The following SNURF variants were observed in gnomAD, a reference collection of about 807,000 sequenced individuals.
SNURF encodes SNURF protein.
In SNURF, 6 loss-of-function variants were observed where a neutral mutation model predicts 11.6. That is an observed-to-expected ratio of 0.52 (90% confidence interval 0.28 to 1.02). The LOEUF (loss-of-function observed/expected upper bound fraction) is 1.02, where lower values mean the gene tolerates loss of function less well. Ranked by LOEUF, SNURF falls within the 50% of genes least tolerant of loss-of-function variation. SNURF has a pLI of 0.09. For missense variants in SNURF, 84 were observed against 88.4 expected (o/e 0.95, Z 0.20); for synonymous variants, 29 against 31.6 (o/e 0.92, Z 0.27).
chr15:24,958,486 G>GTTTTTTTTTTTTTTTTTTTTTTTT (rs71127030), intron 1 of SNURF, among the ~76,000 whole-genome samples: 1 of 65,284 alleles, frequency 1.5e-5, no homozygotes, highest in African/African-American at 5.5e-5. Context: ...CTGGCTCAAA[G>GTTTTTTTTTTTTTTTTTTTTTTTT]TTTTTTTTTT....
At chr15:24,978,502 GT>G, downstream of SNURF, 3 of 1,498,890 alleles carry the variant, frequency 2.0e-6, no homozygotes, top group Non-Finnish European at 2.8e-6. Context: ...GTGAAATTGT[GT>G]AGAGTGTTTG....
chr15:24,975,179 C>T (rs1007380419), intron 3 of SNURF, among the ~76,000 whole-genome samples: 2 of 152,012 alleles, frequency 1.3e-5, no homozygotes, highest in African/African-American at 4.8e-5. Context: ...CTTCATAATC[C>T]TTTGTGGTCC....
downstream of SNURF, among the ~76,000 whole-genome samples, chr15:24,970,301 C>T (rs139106207): frequency 1.1e-4 from 17 of 152,232 alleles, no homozygotes; most frequent in East Asian, 1.9e-3. Flanking sequence ...TTAATGTGGC[C>T]GGGTGTGGTG....
chr15:24,971,476 T>C (rs2076395161), downstream of SNURF, among the ~76,000 whole-genome samples: 1 of 152,086 alleles, frequency 6.6e-6, no homozygotes, highest in African/African-American at 2.4e-5. Context: ...CTGTAGGAGG[T>C]CAACTCCTAT....
chr15:24,969,388 C>CA (rs35342254), downstream of SNURF, among the ~76,000 whole-genome samples: 48,950 of 152,040 alleles, frequency 0.32, 8,439 homozygotes, highest in East Asian at 0.52. Context: ...CTTGGCCTCT[C>CA]AAAGTGCTGG....
At position 24,975,597 on chromosome 15, in the gene SNURF, CTG is replaced by C. The variant is rs970093629; in HGVS notation, c.*197+89_*197+90del. ...TGGAGTAAGGGATTTCCGAGGGTAA[CTG>C]AAGTAGTTAGGGAAACTATGGTAGA... On this transcript the variant is annotated intron_variant and NMD_transcript_variant, in intron 4 of 6. Coordinates refer to the SNURF transcript ENST00000580062. The C allele has an allele frequency of 7.2e-6, 8 of 1,103,612 alleles. No individual in the cohort carries two copies. In the African/African-American group the frequency reaches 1.2e-4, roughly 17 times the overall value. The allele number at this position is 1,103,612 out of a possible 1,614,324, so 68.4% of individuals were successfully genotyped here.
At chr15:24,978,241 T>C, downstream of SNURF, 1 of 1,614,052 alleles carries the variant, frequency 6.2e-7, no homozygotes, top group Non-Finnish European at 8.5e-7. Context: ...GGCCCACCAA[T>C]TGGGCTTCCC....
At chr15:24,970,736 C>T (rs1376131189), downstream of SNURF, among the ~76,000 whole-genome samples, 2 of 152,138 alleles carry the variant, frequency 1.3e-5, no homozygotes, top group African/African-American at 2.4e-5. Context: ...CTAAACACAT[C>T]ATGAGAAGTG....
At chr15:24,978,110 TTTC>T (rs774718146), downstream of SNURF, 72 of 1,430,184 alleles carry the variant, frequency 5.0e-5, no homozygotes, top group Non-Finnish European at 6.2e-5. Flanking sequence ...GTCTGGCCCA[TTTC>T]TTTAGGGATT....
intron 2 of SNURF, among the ~76,000 whole-genome samples, chr15:24,964,266 A>G (rs981332350): frequency 2.0e-4 from 31 of 152,158 alleles, no homozygotes; most frequent in African/African-American, 7.5e-4. Flanking sequence ...TCCTTTATAT[A>G]TAATAGGTTA....
intron 1 of SNURF, among the ~76,000 whole-genome samples, chr15:24,958,500 T>G (rs1391988323): frequency 7.5e-6 from 1 of 133,692 alleles, no homozygotes; most frequent in Non-Finnish European, 1.6e-5. Flanking sequence ...TTTTTTTTTT[T>G]TTTTTTTTTT....
At chr15:24,963,926 G>A (rs2075242414) in intron 2 of SNURF, among the ~76,000 whole-genome samples, 1 of 151,968 alleles carries the variant, frequency 6.6e-6, no homozygotes, top group African/African-American at 2.4e-5. Context: ...CAGCTACCTG[G>A]GAGGCTGAAG....
rs760960743 is a variant in SNURF at position 24,962,168 on chromosome 15, C to A, written c.69C>A (p.Val23=). The A allele has an allele frequency of 1.8e-5, 29 of 1,613,926 alleles. No homozygotes were observed. The Middle Eastern group carries it at 4.9e-4, about 27-fold the overall frequency. Residue 23 remains valine, a synonymous_variant, in exon 2 of 3, where the codon GTC becomes GTA. Coordinates refer to ENST00000577949, the Ensembl canonical transcript of SNURF. The stretch of plus-strand genomic sequence containing the variant: ...AACAGCACGTACCAGAGGTGGAAGT[C>A]CAAGTCAAACGCAGAAGGACTGCCT...
intron 1 of SNURF, 68 bp downstream of exon 1, chr15:24,955,130 TC>T: frequency 6.2e-7 from 1 of 1,606,278 alleles, no homozygotes; most frequent in Non-Finnish European, 8.5e-7. Context: ...CATCAGATAT[TC>T]CAAGTTTTTA....
downstream of SNURF, among the ~76,000 whole-genome samples, chr15:24,973,487 T>C (rs992443140): frequency 6.6e-6 from 1 of 152,108 alleles, no homozygotes; most frequent in African/African-American, 2.4e-5. Context: ...AACCTCTGCC[T>C]CCCAGGTTCA....
exon 5 of SNURF, chr15:24,976,339 A>G: frequency 6.2e-7 from 1 of 1,613,598 alleles, no homozygotes; most frequent in Non-Finnish European, 8.5e-7. Context: ...GCGTGAAGAA[A>G]AGCGGGTTTT....
At chr15:24,975,593 G>A in intron 4 of SNURF, 1 of 1,124,062 alleles carries the variant, frequency 8.9e-7, no homozygotes, top group Non-Finnish European at 1.3e-6. Context: ...ATTTCCGAGG[G>A]TAACTGAAGT....
intron 1 of SNURF, among the ~76,000 whole-genome samples, chr15:24,959,542 T>C (rs1483890199): frequency 3.3e-5 from 5 of 152,244 alleles, no homozygotes; most frequent in Admixed American, 2.6e-4. Flanking sequence ...ACCTTTCATA[T>C]TGAGCAACTG....
downstream of SNURF, chr15:24,978,435 A>G: frequency 6.2e-7 from 1 of 1,613,250 alleles, no homozygotes; most frequent in Non-Finnish European, 8.5e-7. Context: ...TGCGTCCACC[A>G]AGACCTTAGC....
Sources: gnomAD v4.1 joint callset for allele counts (sites outside exome capture counted in the v4.1 genomes callset) on GRCh38, gnomAD v4.1.1 for gene constraint, MANE v1.5 for transcripts, NCBI Gene and HGNC (gene_info 2026-07-23, HGNC 2026-07-21) for gene names.